KCNK13: variants seen among roughly 807,000 people sequenced by gnomAD.
The protein encoded by KCNK13 is potassium channel subfamily K member 13.
A neutral mutation model predicts 23.4 loss-of-function variants in KCNK13; 12 were observed. That is an observed-to-expected ratio of 0.51 (90% CI 0.33 to 0.83). The LOEUF (loss-of-function observed/expected upper bound fraction) is 0.83, where lower values mean the gene tolerates loss of function less well. Among genes scored for constraint, KCNK13 ranks in the 40% least tolerant of loss-of-function variants. KCNK13 has a pLI of 0.02. For synonymous variants in KCNK13, 231 were observed against 229.5 expected (o/e 1.01, Z -0.06); for missense variants, 463 against 556.3 (o/e 0.83, Z 1.69).
intron 1 of KCNK13, among the ~76,000 whole-genome samples, chr14:90,094,594 T>C (rs888842179): frequency 4.6e-5 from 7 of 152,064 alleles, no homozygotes; most frequent in Non-Finnish European, 8.8e-5. Context: ...CTGGGTTTAT[T>C]TGGCACCTGG....
At chr14:90,113,962 A>C (rs1157335860) in intron 1 of KCNK13, among the ~76,000 whole-genome samples, 5 of 152,050 alleles carry the variant, frequency 3.3e-5, no homozygotes, top group Non-Finnish European at 7.4e-5. Flanking sequence ...AAAAGAATGA[A>C]AGAAAAAGAA....
chr14:90,183,554 G>A (rs1296362393), intron 1 of KCNK13, among the ~76,000 whole-genome samples: 1 of 152,096 alleles, frequency 6.6e-6, no homozygotes, highest in Admixed American at 6.6e-5. Context: ...ACTCCCTCTA[G>A]CACCACACTT....
At chr14:90,142,198 T>G (rs1890016054) in intron 1 of KCNK13, among the ~76,000 whole-genome samples, 1 of 152,172 alleles carries the variant, frequency 6.6e-6, no homozygotes, top group Admixed American at 6.5e-5. Flanking sequence ...GAATTGGAAT[T>G]GCACAATATA....
chr14:90,172,466 G>A (rs543808870), intron 1 of KCNK13, among the ~76,000 whole-genome samples: 2 of 152,264 alleles, frequency 1.3e-5, no homozygotes, highest in South Asian at 4.1e-4. Flanking sequence ...TAAGCCTTTG[G>A]TGCACAACTA....
chr14:90,099,085 T>A (rs1036763683), intron 1 of KCNK13, among the ~76,000 whole-genome samples: 8 of 147,978 alleles, frequency 5.4e-5, no homozygotes, highest in East Asian at 4.2e-4. Flanking sequence ...TATAAAAAAA[T>A]TTTTAAAAAT....
At chr14:90,150,446 A>G (rs919530715) in intron 1 of KCNK13, among the ~76,000 whole-genome samples, 23 of 152,200 alleles carry the variant, frequency 1.5e-4, no homozygotes, top group Admixed American at 2.6e-4. Flanking sequence ...GACCCTGTCC[A>G]GACAAAAAGT....
intron 1 of KCNK13, among the ~76,000 whole-genome samples, chr14:90,142,338 A>G (rs1245999926): frequency 3.9e-4 from 9 of 23,044 alleles, no homozygotes; most frequent in African/African-American, 1.5e-3. Context: ...TTTTTTTTTG[A>G]GACGGAGTCT....
intron 1 of KCNK13, among the ~76,000 whole-genome samples, chr14:90,162,789 A>T (rs1242801156): frequency 1.3e-5 from 2 of 152,216 alleles, no homozygotes; most frequent in Non-Finnish European, 2.9e-5. Flanking sequence ...CCTAAACAAA[A>T]ATTAAACTTT....
At position 90,062,634 on chromosome 14, in the gene KCNK13, C is replaced by A; in HGVS notation, c.334+95C>A. 1 of 974,760 alleles carries A rather than the reference C, an allele frequency of 1.0e-6. No homozygotes were observed. Among genetic ancestry groups the A allele is most frequent in the Non-Finnish European group, 1.5e-6 (1 of 686,450 alleles). The allele number at this position is 974,760 out of a possible 1,614,324, so 60.4% of individuals were successfully genotyped here. On this transcript the variant is annotated intron_variant, in intron 1 of 1. Transcript: ENST00000282146. The surrounding 1 kb of genome is among the most constrained non-coding windows in gnomAD (Gnocchi z 4.5). Reference sequence around the variant, plus strand: ...CCCTCTCATCCTTTCATTCATCCATCTGGGCGCCCAGCCAGACTCCACTGA... The same window carrying A: ...CCCTCTCATCCTTTCATTCATCCATATGGGCGCCCAGCCAGACTCCACTGA...
At chr14:90,068,953 T>C (rs1490221240) in intron 1 of KCNK13, among the ~76,000 whole-genome samples, 2 of 151,622 alleles carry the variant, frequency 1.3e-5, no homozygotes, top group African/African-American at 4.9e-5. Flanking sequence ...ACCCGGCTCA[T>C]GAGGACCTGA....
intron 1 of KCNK13, among the ~76,000 whole-genome samples, chr14:90,149,357 A>G (rs530914249): frequency 1.3e-5 from 2 of 152,356 alleles, no homozygotes; most frequent in South Asian, 4.1e-4. Flanking sequence ...CTCTGTCTCA[A>G]AAAAAGAAAG....
Position 90,170,988 on chromosome 14 carries a change from G to A in KCNK13, c.335-13123G>A, listed in dbSNP as rs147404962. On this transcript the variant is annotated intron_variant, in intron 1 of 1. Transcript: ENST00000282146. The stretch of plus-strand genomic sequence containing the variant: ...AGCCATCTTATTTAGGAACCAAAAG[G>A]CAGAGGCAGGTTTGCCGGACCCAGT... 2.6e-5 allele frequency among the ~76,000 whole-genome samples: 4 copies of A among 152,280 alleles called. No homozygotes were observed. The East Asian group carries it at 7.7e-4, about 29-fold the overall frequency.
At chr14:90,081,005 A>G (rs897672663) in intron 1 of KCNK13, among the ~76,000 whole-genome samples, 1 of 152,268 alleles carries the variant, frequency 6.6e-6, no homozygotes, top group East Asian at 1.9e-4. Flanking sequence ...ACTGCCCTAA[A>G]GGGAACCAAA....
intron 1 of KCNK13, among the ~76,000 whole-genome samples, chr14:90,142,687 C>G (rs1172466640): frequency 6.6e-6 from 1 of 152,158 alleles, no homozygotes; most frequent in African/African-American, 2.4e-5. Context: ...TGCCTTGGCA[C>G]TGTAAGGGAG....
At chr14:90,150,243 AG>A (rs1890120338) in intron 1 of KCNK13, among the ~76,000 whole-genome samples, 1 of 152,150 alleles carries the variant, frequency 6.6e-6, no homozygotes, top group Non-Finnish European at 1.5e-5. Flanking sequence ...TGGGGATGAT[AG>A]TTAAGTACGG....
intron 1 of KCNK13, among the ~76,000 whole-genome samples, chr14:90,150,733 T>G (rs1016657912): frequency 7.2e-5 from 11 of 152,166 alleles, no homozygotes; most frequent in African/African-American, 2.7e-4. Context: ...TCCCCAGTGT[T>G]GGAGGTGGGG....
chr14:90,144,889 G>C (rs889385562), intron 1 of KCNK13, among the ~76,000 whole-genome samples: 14 of 152,114 alleles, frequency 9.2e-5, no homozygotes, highest in Non-Finnish European at 1.9e-4. Context: ...TAGGGGGAAA[G>C]CATTGTCTCT....
At chr14:90,077,117 CTT>C (rs373759289) in intron 1 of KCNK13, among the ~76,000 whole-genome samples, 1 of 92,322 alleles carries the variant, frequency 1.1e-5, no homozygotes. Context: ...CCGCACCTGG[CTT>C]TTTTTTTTTT....
intron 1 of KCNK13, among the ~76,000 whole-genome samples, chr14:90,077,074 C>T (rs1889146339): frequency 6.6e-6 from 1 of 150,548 alleles, no homozygotes; most frequent in African/African-American, 2.4e-5. Flanking sequence ...CCGCCTCAGC[C>T]TCCCAAAGTG....
Sources: allele counts gnomAD v4.1 joint callset (sites outside exome capture counted in the v4.1 genomes callset), GRCh38; gene constraint gnomAD v4.1.1; non-coding constraint Gnocchi (gnomAD v3.1); transcripts MANE v1.5; gene names NCBI Gene and HGNC (gene_info 2026-07-23, HGNC 2026-07-21).